SLC26A1: variants seen among roughly 807,000 people sequenced by gnomAD.
The protein encoded by SLC26A1 is sulfate anion transporter 1.
Under a neutral mutation model 14.5 loss-of-function variants are expected in SLC26A1, and 18 were observed. That is an observed-to-expected ratio of 1.24 (90% CI 0.86 to 1.84). SLC26A1 has a LOEUF of 1.84. Ranked by LOEUF, SLC26A1 falls within the 40% of genes most tolerant of loss-of-function variation. The pLI is 0.00. For missense variants in SLC26A1, 1,049 were observed against 1,020.0 expected (o/e 1.03, Z -0.39); for synonymous variants, 505 against 492.0 (o/e 1.03, Z -0.35).
exon 3 of SLC26A1, chr4:979,211 G>A: frequency 3.6e-6 from 2 of 562,210 alleles, no homozygotes; most frequent in Non-Finnish European, 6.3e-6. Flanking sequence ...ACATGGTAAA[G>A]CCTGTTGTGA....
Position 987,671 on chromosome 4 carries a change from G to A in SLC26A1, c.*1162C>T, listed in dbSNP as rs749665697. On this transcript the variant is annotated 3_prime_UTR_variant, in exon 3 of 3. Coordinates refer to ENST00000398516, the MANE Select transcript of SLC26A1 (RefSeq NM_022042.4). ...ACCTCCCCACATTCCTGGCCCTAAG[G>A]GTCATTTTATTAGTCACTGAACGCA... The A allele has an allele frequency of 4.7e-6, 7 of 1,490,184 alleles. No homozygotes were observed. The highest frequency in any genetic ancestry group is 6.3e-6 in the Non-Finnish European group (7 of 1,117,190). 92.3% of individuals were successfully genotyped at this position (1,490,184 alleles called of 1,614,324 possible). A position where few individuals can be genotyped will look rare whatever the true frequency, so the allele number is the denominator to read the frequency against.
chr4:987,771 T>G lies in SLC26A1; in HGVS notation c.*1062A>C, dbSNP rs1713851097. 6.2e-7 allele frequency: 1 copy of G among 1,610,694 alleles called. No homozygotes were observed. Among genetic ancestry groups the G allele is most frequent in the South Asian group, 1.1e-5 (1 of 90,842 alleles). ...GTGTCAGCCGCGCTGCCAGCCATGC[T>G]GAGGCTCGGGACTGAGCCGCCCCTT... On this transcript the variant is annotated 3_prime_UTR_variant, in exon 3 of 3. Transcript: ENST00000398516.
chr4:979,578 C>A (rs1209856643), intron 2 of SLC26A1: 3 of 1,587,640 alleles, frequency 1.9e-6, no homozygotes, highest in Non-Finnish European at 2.6e-6. Context: ...AAACGTCCCC[C>A]TGCCGGGCCC....
At chr4:984,072 G>A (rs58724802), downstream of SLC26A1, among the ~76,000 whole-genome samples, 6 of 152,256 alleles carry the variant, frequency 3.9e-5, no homozygotes, top group East Asian at 5.8e-4. Context: ...TGATCTGCCC[G>A]CCTCAGCCTC....
intron 2 of SLC26A1, among the ~76,000 whole-genome samples, chr4:980,788 C>T (rs548581132): frequency 2.6e-5 from 4 of 151,808 alleles, no homozygotes; most frequent in Non-Finnish European, 5.9e-5. Context: ...CTCTTATCAG[C>T]CAGAGACAGA....
chr4:979,064 T>C (rs1713458034), downstream of SLC26A1: 1 of 181,412 alleles, frequency 5.5e-6, no homozygotes, highest in Admixed American at 6.2e-5. Context: ...TTATTGTCTC[T>C]TTTTACAATT....
downstream of SLC26A1, chr4:987,296 G>T (rs1713808485): frequency 5.5e-6 from 8 of 1,459,964 alleles, no homozygotes; most frequent in Non-Finnish European, 7.3e-6. Context: ...GAGCTCGGGC[G>T]CCCCCTGACT....
chr4:982,272 C>G (rs943972198), intron 2 of SLC26A1, among the ~76,000 whole-genome samples: 1 of 152,198 alleles, frequency 6.6e-6, no homozygotes, highest in Non-Finnish European at 1.5e-5. Flanking sequence ...AGCTTGGCCT[C>G]AGAGAGGCCT....
intron 1 of SLC26A1, 156 bp from the exon 2 acceptor site, chr4:991,886 C>G: frequency 7.3e-7 from 1 of 1,375,790 alleles, no homozygotes; most frequent in Non-Finnish European, 1.0e-6. Flanking sequence ...GGCCCCAGCC[C>G]CCTGCCCGGT....
chr4:987,959 G>A lies in SLC26A1; in HGVS notation c.*874C>T, dbSNP rs775172497. The A allele has an allele frequency of 1.3e-5, 20 of 1,563,792 alleles. No individual in the cohort carries two copies. The highest frequency in any genetic ancestry group is 4.8e-5 in the East Asian group (2 of 41,972). On this transcript the variant is annotated 3_prime_UTR_variant, in exon 3 of 3. Coordinates refer to ENST00000398516, the MANE Select transcript of SLC26A1 (RefSeq NM_022042.4). Reference sequence around the variant, plus strand: ...AGCTTGTCACCACCAGGTGGGCGGCGGGCAGGGTCTGGGCGTCCCAGAGCC... The same window carrying A: ...AGCTTGTCACCACCAGGTGGGCGGCAGGCAGGGTCTGGGCGTCCCAGAGCC...
chr4:987,364 G>A (rs1713814395), downstream of SLC26A1: 1 of 1,013,696 alleles, frequency 9.9e-7, no homozygotes, highest in Non-Finnish European at 1.4e-6. Context: ...TGGCTCTCCC[G>A]GGCCCGCCCC....
intron 2 of SLC26A1, among the ~76,000 whole-genome samples, chr4:982,587 C>A (rs1425869847): frequency 6.6e-6 from 1 of 152,236 alleles, no homozygotes; most frequent in Non-Finnish European, 1.5e-5. Context: ...GTGGTCTCAG[C>A]CCTGAGGGCC....
In SLC26A1 at chr4:988,212, G is replaced by A. The variant is rs1393342544; in HGVS notation, c.*621C>T. 16 of 1,341,824 alleles carry A rather than the reference G, an allele frequency of 1.2e-5. No individual in the cohort carries two copies. Among genetic ancestry groups the A allele is most frequent in the East Asian group, 3.0e-5 (1 of 33,298 alleles). 83.1% of individuals were successfully genotyped at this position (1,341,824 alleles called of 1,614,324 possible). On this transcript the variant is annotated 3_prime_UTR_variant, in exon 3 of 3. Transcript: ENST00000398516. Reference sequence around the variant, plus strand: ...GCCGCACCTGGCTCCTGGTGCACCCGTGAGCATCCCTGTGTGTGTCTGCTG... The same window carrying A: ...GCCGCACCTGGCTCCTGGTGCACCCATGAGCATCCCTGTGTGTGTCTGCTG...
downstream of SLC26A1, among the ~76,000 whole-genome samples, chr4:986,020 A>G (rs976495338): frequency 6.6e-6 from 1 of 152,102 alleles, no homozygotes; most frequent in Non-Finnish European, 1.5e-5. Flanking sequence ...CCTAAGCTCA[A>G]GCAATCTCCC....
rs375986014 is a variant in SLC26A1 at position 989,372 on chromosome 4, C to T, written c.1567G>A (p.Glu523Lys). 33 of 1,581,422 alleles carry T rather than the reference C, an allele frequency of 2.1e-5. 2 individuals are homozygous for T. The highest frequency in any genetic ancestry group is 1.7e-4 in the Middle Eastern group (1 of 6,028). Reference sequence around the variant, plus strand: ...AGGCCCTCGAACTCTGTGGCATCCTCGTAGAAGGCCGTGTCCCCGATGCGG... The same window carrying T: ...AGGCCCTCGAACTCTGTGGCATCCTTGTAGAAGGCCGTGTCCCCGATGCGG... ...LARIGDTAFY[E>K]DATEFEGLVP... is the part of the protein sequence containing the mutation. Residue 523 changes from glutamate to lysine, a missense_variant, in exon 3 of 3, where the codon GAG becomes AAG. By Grantham distance (56) the Glu-to-Lys change is moderately conservative. Transcript: ENST00000398516.
intron 2 of SLC26A1, 111 bp from the exon 3 acceptor site, chr4:990,473 T>C (rs1714199878): frequency 9.2e-7 from 1 of 1,091,422 alleles, no homozygotes; most frequent in Non-Finnish European, 1.3e-6. Context: ...ACCTGACAAT[T>C]CTGTGTTGCG....
At chr4:979,626 G>A (rs1374994402) in intron 2 of SLC26A1, 1 of 1,287,550 alleles carries the variant, frequency 7.8e-7, no homozygotes, top group African/African-American at 1.5e-5. Context: ...AGCCCAGCAA[G>A]AGAGGAAGCG....
intron 2 of SLC26A1, among the ~76,000 whole-genome samples, chr4:981,817 T>C (rs1713552041): frequency 6.6e-6 from 1 of 151,980 alleles, no homozygotes; most frequent in African/African-American, 2.4e-5. Context: ...TGCCGTCCAC[T>C]CTTTTTTTTT....
At chr4:987,311 A>T (rs1404325072), downstream of SLC26A1, 5 of 1,383,848 alleles carry the variant, frequency 3.6e-6, no homozygotes, top group African/African-American at 1.5e-5. Context: ...CTGACTGCGC[A>T]CTGTGAGAGC....
Sources: allele counts gnomAD v4.1 joint callset (sites outside exome capture counted in the v4.1 genomes callset), GRCh38; gene constraint gnomAD v4.1.1; transcripts MANE v1.5; gene names NCBI Gene and HGNC (gene_info 2026-07-23, HGNC 2026-07-21).